The following EXOC4 variants were observed in gnomAD, a reference collection of about 807,000 sequenced individuals.
EXOC4 encodes the protein SEC8-like 1.
Under a neutral mutation model 107.2 loss-of-function variants are expected in EXOC4, and 71 were observed. The ratio of observed to expected loss-of-function variants is 0.66; its 90% CI spans 0.55 to 0.81. The LOEUF is 0.81. Among genes scored for constraint, EXOC4 ranks in the 30% least tolerant of loss-of-function variants. The pLI, the probability that EXOC4 is intolerant of heterozygous loss-of-function variation, is 0.00. For synonymous variants in EXOC4, 456 were observed against 441.2 expected (o/e 1.03, Z -0.42); for missense variants, 1,108 against 1,189.6 (o/e 0.93, Z 1.01).
At chr7:133,932,353 A>G (rs1030513616) in intron 13 of EXOC4, among the ~76,000 whole-genome samples, 18 of 152,216 alleles carry the variant, frequency 1.2e-4, no homozygotes, top group African/African-American at 4.3e-4. Context: ...CAGGAGTAGG[A>G]GAGATACTGA....
intron 7 of EXOC4, among the ~76,000 whole-genome samples, chr7:133,410,943 T>C (rs1021595161): frequency 1.3e-5 from 2 of 152,176 alleles, no homozygotes; most frequent in Non-Finnish European, 2.9e-5. Context: ...GTGAAATGTA[T>C]TGTTTGTAAT....
At chr7:133,865,073 G>A (rs550801976) in intron 11 of EXOC4, among the ~76,000 whole-genome samples, 3 of 152,192 alleles carry the variant, frequency 2.0e-5, no homozygotes, top group Non-Finnish European at 2.9e-5. Flanking sequence ...TATTATACAT[G>A]TAATTTAAAA....
chr7:133,975,025 CTT>C (rs3049805), intron 14 of EXOC4, among the ~76,000 whole-genome samples: 1 of 150,084 alleles, frequency 6.7e-6, no homozygotes, highest in Non-Finnish European at 1.5e-5. Context: ...ATTCCTATAC[CTT>C]TTTTTTTTGA....
At chr7:133,455,855 A>T (rs868376571) in intron 7 of EXOC4, among the ~76,000 whole-genome samples, 5 of 152,250 alleles carry the variant, frequency 3.3e-5, no homozygotes, top group Non-Finnish European at 5.9e-5. Flanking sequence ...ACTTCTTGCA[A>T]CATAAGCAGT....
At chr7:133,727,755 C>CA (rs1411616861) in intron 10 of EXOC4, 7 of 152,418 alleles carry the variant, frequency 4.6e-5, no homozygotes, top group African/African-American at 1.4e-4. Context: ...CCACAACAAG[C>CA]AGCAGTACCT....
intron 10 of EXOC4, among the ~76,000 whole-genome samples, chr7:133,783,231 C>T (rs1226113654): frequency 1.3e-5 from 2 of 152,162 alleles, no homozygotes; most frequent in African/African-American, 4.8e-5. Context: ...TTCCCTGTCA[C>T]AGGAGACCTA....
At chr7:134,088,424 G>A in the EXOC4 span, among the ~76,000 whole-genome samples, 1 of 152,266 alleles carries the variant, frequency 6.6e-6, no homozygotes, top group Middle Eastern at 3.4e-3. Flanking sequence ...TTACCTAATT[G>A]TTAAAAGCTG....
At chr7:133,624,592 T>C (rs955579969) in intron 9 of EXOC4, among the ~76,000 whole-genome samples, 6 of 151,832 alleles carry the variant, frequency 4.0e-5, no homozygotes, top group Admixed American at 1.3e-4. Flanking sequence ...CTCTCTCTCT[T>C]TTTTTTTCTT....
At chr7:133,853,318 T>G (rs1482550911) in intron 11 of EXOC4, among the ~76,000 whole-genome samples, 1 of 145,942 alleles carries the variant, frequency 6.9e-6, no homozygotes, top group Non-Finnish European at 1.5e-5. Flanking sequence ...TCTCCCTCTC[T>G]TTCTGTCTCT....
chr7:133,860,432 A>G (rs1295573407), intron 11 of EXOC4, among the ~76,000 whole-genome samples: 1 of 152,206 alleles, frequency 6.6e-6, no homozygotes, highest in Non-Finnish European at 1.5e-5. Flanking sequence ...CCTCATGCCT[A>G]AAAAGTGCCA....
At chr7:133,671,056 C>G (rs1382815250) in intron 10 of EXOC4, among the ~76,000 whole-genome samples, 1 of 152,100 alleles carries the variant, frequency 6.6e-6, no homozygotes, top group Non-Finnish European at 1.5e-5. Flanking sequence ...AGACGCATTC[C>G]TGGTAGAGGA....
At chr7:134,018,275 A>C (rs1018619382) in intron 17 of EXOC4, among the ~76,000 whole-genome samples, 3 of 152,180 alleles carry the variant, frequency 2.0e-5, no homozygotes, top group African/African-American at 7.2e-5. Context: ...TTGTTTTCTA[A>C]ATAAAGATGT....
intron 17 of EXOC4, among the ~76,000 whole-genome samples, chr7:134,024,924 T>A (rs1045253863): frequency 1.3e-5 from 2 of 152,188 alleles, no homozygotes; most frequent in Non-Finnish European, 2.9e-5. Context: ...CAAGACCTGG[T>A]GTTCTGTGTT....
At chr7:134,084,012 T>C in the EXOC4 span, among the ~76,000 whole-genome samples, 1 of 152,206 alleles carries the variant, frequency 6.6e-6, no homozygotes, top group Non-Finnish European at 1.5e-5. Flanking sequence ...GTGAGGCTTA[T>C]TATAGCAAAC....
At chr7:133,334,670 T>G (rs1014097000) in intron 5 of EXOC4, among the ~76,000 whole-genome samples, 1 of 152,138 alleles carries the variant, frequency 6.6e-6, no homozygotes, top group Non-Finnish European at 1.5e-5. Flanking sequence ...TTGAGCCTAG[T>G]ACCCACTAGT....
chr7:133,769,031 A>G (rs1345657941), intron 10 of EXOC4, among the ~76,000 whole-genome samples: 3 of 151,986 alleles, frequency 2.0e-5, no homozygotes, highest in African/African-American at 7.2e-5. Flanking sequence ...ATACGCTTGG[A>G]TGTCTGATAC....
chr7:133,284,185 A>G (rs748699344), intron 2 of EXOC4, among the ~76,000 whole-genome samples: 9 of 152,172 alleles, frequency 5.9e-5, no homozygotes, highest in Non-Finnish European at 1.3e-4. Context: ...TACATTGCAC[A>G]TATCCTAGTG....
At chr7:133,971,359 TATAGAGAGAGAGAGAGAGAG>T (rs1007699934) in intron 14 of EXOC4, among the ~76,000 whole-genome samples, 1 of 96,754 alleles carries the variant, frequency 1.0e-5, no homozygotes, top group Non-Finnish European at 2.0e-5. Context: ...TATATATATA[TATAGAGAGAGAGAGAGAGAG>T]AGAGAGAGAG....
chr7:133,742,462 A>G (rs1795586468), intron 10 of EXOC4, among the ~76,000 whole-genome samples: 1 of 152,234 alleles, frequency 6.6e-6, no homozygotes, highest in African/African-American at 2.4e-5. Context: ...GCTTAAAGTG[A>G]ACTACACCTT....
Sources: gnomAD v4.1 joint callset for allele counts (sites outside exome capture counted in the v4.1 genomes callset) on GRCh38, gnomAD v4.1.1 for gene constraint, MANE v1.5 for transcripts, NCBI Gene and HGNC (gene_info 2026-07-23, HGNC 2026-07-21) for gene names.